Variants in POT1 observed in about 807,000 individuals in gnomAD.
POT1 encodes the protein protection of telomeres protein 1.
A neutral mutation model predicts 78.5 loss-of-function variants in POT1; 47 were observed. The observed-to-expected ratio is 0.60, with a 90% CI of 0.47 to 0.76. The LOEUF is 0.76. Among genes scored for constraint, POT1 ranks in the 30% least tolerant of loss-of-function variants. The pLI, the probability that POT1 is intolerant of heterozygous loss-of-function variation, is 0.00. For synonymous variants in POT1, 259 were observed against 260.7 expected, an observed-to-expected ratio of 0.99 and a Z score of 0.06; for missense variants, 646 against 749.9, an observed-to-expected ratio of 0.86 and a Z score of 1.62.
intron 3 of POT1, among the ~76,000 whole-genome samples, chr7:124,905,861 T>C (rs1253238173): frequency 3.3e-5 from 5 of 152,196 alleles, no homozygotes; most frequent in Admixed American, 1.3e-4. Context: ...AGAAGACATT[T>C]ATGCAGCCAA....
intron 15 of POT1, among the ~76,000 whole-genome samples, chr7:124,830,977 C>A (rs933295269): frequency 6.6e-6 from 1 of 152,050 alleles, no homozygotes; most frequent in African/African-American, 2.4e-5. Flanking sequence ...AAATCAGTAA[C>A]CACATAGAAA....
At chr7:124,919,520 A>G (rs1011167781) in intron 2 of POT1, among the ~76,000 whole-genome samples, 11 of 152,162 alleles carry the variant, frequency 7.2e-5, no homozygotes, top group Non-Finnish European at 1.6e-4. Flanking sequence ...GTTTGGTTAA[A>G]AAGAGGCCAT....
intron 17 of POT1, among the ~76,000 whole-genome samples, chr7:124,826,107 T>G (rs1794623956): frequency 3.3e-5 from 5 of 152,164 alleles, no homozygotes. Context: ...ATCAGCTTGA[T>G]CTCAAGAGGG....
chr7:124,924,089 C>T (rs1204682610), intron 2 of POT1, among the ~76,000 whole-genome samples: 3 of 144,410 alleles, frequency 2.1e-5, no homozygotes, highest in Non-Finnish European at 3.0e-5. Context: ...CAAGAACAAA[C>T]GAAAGTCAGA....
intron 6 of POT1, among the ~76,000 whole-genome samples, chr7:124,874,733 CAAA>C (rs1208217687): frequency 2.2e-5 from 2 of 90,486 alleles, no homozygotes; most frequent in Admixed American, 1.3e-4. Context: ...AGATCTGCCT[CAAA>C]AAAAAAAAAA....
chr7:124,892,430 T>C (rs749367986), intron 5 of POT1, 50 bp from the exon 6 acceptor site: 1 of 901,122 alleles, frequency 1.1e-6, no homozygotes, highest in Non-Finnish European at 1.6e-6. Context: ...ATTTACATTG[T>C]AGAATCATGT....
chr7:124,902,171 G>A (rs886370240), intron 3 of POT1, among the ~76,000 whole-genome samples: 1 of 152,092 alleles, frequency 6.6e-6, no homozygotes, highest in Non-Finnish European at 1.5e-5. Flanking sequence ...AGGAAATACA[G>A]AGAACGCCAC....
At chr7:124,920,473 T>C (rs1019203293) in intron 2 of POT1, among the ~76,000 whole-genome samples, 9 of 152,186 alleles carry the variant, frequency 5.9e-5, no homozygotes, top group African/African-American at 1.9e-4. Context: ...GAATTGATTG[T>C]GATTGTGGTT....
At chr7:124,885,651 A>G (rs1796226872) in intron 6 of POT1, among the ~76,000 whole-genome samples, 1 of 152,128 alleles carries the variant, frequency 6.6e-6, no homozygotes, top group Non-Finnish European at 1.5e-5. Context: ...CTGTAGTCCC[A>G]GCTACTCAGG....
chr7:124,824,070 T>C lies in POT1; in HGVS notation c.1797A>G (p.Ala599=), dbSNP rs752430203. ...TGATGAAGCATTCCAACCACGGATA[T>C]GCATCTACAAAAACAAAAACAAAAA... ...MFCPPGIKID[A]YPWLECFIKS... The change falls in exon 19 of 19, where the codon GCA becomes GCG. Residue 599 remains alanine (A), a synonymous_variant. Transcript: ENST00000357628. The C allele has an allele frequency of 2.6e-5, 41 of 1,580,016 alleles. No individual in the cohort carries two copies. Among genetic ancestry groups the C allele is most frequent in the Non-Finnish European group, 3.3e-5 (38 of 1,158,034 alleles).
intron 7 of POT1, among the ~76,000 whole-genome samples, chr7:124,865,384 T>G (rs1317421982): frequency 6.6e-6 from 1 of 152,098 alleles, no homozygotes; most frequent in Non-Finnish European, 1.5e-5. Context: ...TTATTTCCCT[T>G]CACCCTCTCT....
At chr7:124,863,252 C>T in intron 8 of POT1, 98 bp downstream of exon 8, 1 of 1,202,830 alleles carries the variant, frequency 8.3e-7, no homozygotes, top group Non-Finnish European at 1.2e-6. Flanking sequence ...TAGTATAATA[C>T]ACAGCATGCT....
intron 6 of POT1, among the ~76,000 whole-genome samples, chr7:124,887,802 A>G (rs1358251727): frequency 6.6e-6 from 1 of 152,120 alleles, no homozygotes; most frequent in Non-Finnish European, 1.5e-5. Flanking sequence ...AATACAATAA[A>G]CAATGTTAAA....
chr7:124,867,253 T>A (rs985299602), intron 7 of POT1, among the ~76,000 whole-genome samples: 6 of 151,808 alleles, frequency 4.0e-5, no homozygotes, highest in African/African-American at 2.4e-5. Context: ...CTAAAGAATA[T>A]CTTTGCCTTC....
At chr7:124,880,199 C>T (rs1796085720) in intron 6 of POT1, among the ~76,000 whole-genome samples, 1 of 152,066 alleles carries the variant, frequency 6.6e-6, no homozygotes, top group Non-Finnish European at 1.5e-5. Flanking sequence ...TAAAACACAA[C>T]TATTTTGAAG....
At chr7:124,853,566 T>C (rs1795369667) in intron 9 of POT1, 1 of 152,398 alleles carries the variant, frequency 6.6e-6, no homozygotes, top group South Asian at 2.1e-4. Flanking sequence ...TTAAATATGA[T>C]CCTGAAGATA....
Position 124,824,065 on chromosome 7 carries a change from G to T in POT1, c.1802C>A (p.Pro601Gln). 6.3e-7 allele frequency: 1 copy of T among 1,584,880 alleles called. No homozygotes were observed. Among genetic ancestry groups the T allele is most frequent in the Non-Finnish European group, 8.6e-7 (1 of 1,162,368 alleles). The change falls in exon 19 of 19, where the codon CCG becomes CAG. Residue 601 changes from proline to glutamine, a missense_variant. Around this residue, in one of 2 missense-constraint regions of POT1, gnomAD observed 394 missense variants for 408.4 expected, o/e 0.96. Coordinates refer to ENST00000357628, the MANE Select transcript of POT1 (RefSeq NM_015450.3). ...TGACTTGATGAAGCATTCCAACCAC[G>T]GATATGCATCTACAAAAACAAAAAC... ...CPPGIKIDAYPWLECFIKSYN... is the reference protein window; with the variant it reads ...CPPGIKIDAYQWLECFIKSYN...
At chr7:124,858,541 T>C (rs1795502241) in intron 9 of POT1, among the ~76,000 whole-genome samples, 1 of 152,002 alleles carries the variant, frequency 6.6e-6, no homozygotes, top group Non-Finnish European at 1.5e-5. Flanking sequence ...ATTACAATTA[T>C]AACAAATTGT....
chr7:124,830,062 A>G (rs1337253705), intron 15 of POT1, among the ~76,000 whole-genome samples: 1 of 152,168 alleles, frequency 6.6e-6, no homozygotes, highest in Non-Finnish European at 1.5e-5. Context: ...AAAAATTACT[A>G]AACAGTCACA....
Sources: gnomAD v4.1 joint callset for allele counts (sites outside exome capture counted in the v4.1 genomes callset) on GRCh38, gnomAD v4.1.1 for gene constraint, gnomAD v4.1.1 regional missense constraint, MANE v1.5 for transcripts, NCBI Gene and HGNC (gene_info 2026-07-23, HGNC 2026-07-21) for gene names.